The following IGDCC3 variants were observed in gnomAD, a reference collection of about 807,000 sequenced individuals.
IGDCC3 encodes putative neuronal cell adhesion molecule.
Under a neutral mutation model 72.0 loss-of-function variants are expected in IGDCC3, and 47 were observed. That is an observed-to-expected ratio of 0.65 (90% CI 0.52 to 0.83). The LOEUF is 0.83. Among genes scored for constraint, IGDCC3 ranks in the 40% least tolerant of loss-of-function variants. The probability of loss-of-function intolerance (pLI) is 0.00; values close to 1 mark genes in which losing one functional copy is unlikely to be tolerated. For missense variants in IGDCC3, 1,038 were observed against 1,091.3 expected, an observed-to-expected ratio of 0.95 and a Z score of 0.69; for synonymous variants, 477 against 472.8, an observed-to-expected ratio of 1.01 and a Z score of -0.11.
rs769295643 is a variant in IGDCC3, at chr15:65,330,763, A to G, written c.1562-22T>C. On this transcript the variant is annotated intron_variant, in intron 9 of 13. Transcript: ENST00000327987. The stretch of plus-strand genomic sequence containing the variant: ...GGGGCTGCAGGTAGAGAAGGAGGCC[A>G]CGATGTGAGGACCCAGTGGAAGCTC... The G allele has an allele frequency of 1.9e-6, 3 of 1,564,394 alleles. No homozygotes were observed. In the Admixed American group the frequency reaches 5.6e-5, roughly 29 times the overall value.
intron 1 of IGDCC3, among the ~76,000 whole-genome samples, chr15:65,376,468 T>C (rs546041901): frequency 6.6e-5 from 10 of 152,304 alleles, no homozygotes; most frequent in African/African-American, 2.2e-4. Context: ...CCTCCTCACA[T>C]TTCCAGATAA....
chr15:65,368,897 G>C (rs558879604), intron 2 of IGDCC3, among the ~76,000 whole-genome samples: 2 of 152,280 alleles, frequency 1.3e-5, no homozygotes, highest in Non-Finnish European at 2.9e-5. Flanking sequence ...ACAGAGGAGA[G>C]ACAGAGAGAC....
rs531601805 is a variant in IGDCC3, at chr15:65,355,095, C to T, written c.410-19139G>A. On this transcript the variant is annotated intron_variant, in intron 2 of 13. Coordinates refer to ENST00000327987, the MANE Select transcript of IGDCC3 (RefSeq NM_004884.4). Reference sequence around the variant, plus strand: ...AACCCTTGCTCCCAGCCGGCTGCTCCGGGCAGCCTGACTCCAACGCCAGGA... The same window carrying T: ...AACCCTTGCTCCCAGCCGGCTGCTCTGGGCAGCCTGACTCCAACGCCAGGA... Among the ~76,000 whole-genome samples, 17 of 151,418 alleles carry T rather than the reference C, an allele frequency of 1.1e-4. No individual in the cohort carries two copies. In the East Asian group the frequency reaches 3.4e-3, roughly 30 times the overall value.
At chr15:65,372,666 C>T (rs1409717817) in intron 2 of IGDCC3, among the ~76,000 whole-genome samples, 2 of 152,126 alleles carry the variant, frequency 1.3e-5, no homozygotes, top group Admixed American at 6.5e-5. Flanking sequence ...CCCCTCCCCA[C>T]GGGCCCCTGA....
At chr15:65,335,063 T>TG (rs2091014958) in intron 4 of IGDCC3, among the ~76,000 whole-genome samples, 198 bp from the exon 5 acceptor site, 1 of 152,080 alleles carries the variant, frequency 6.6e-6, no homozygotes, top group South Asian at 2.1e-4. Context: ...CTGCCAGCAA[T>TG]GGGGAAGTCC....
At chr15:65,375,455 A>G in intron 1 of IGDCC3, 53 bp from the exon 2 acceptor site, 1 of 1,437,112 alleles carries the variant, frequency 7.0e-7, no homozygotes, top group Non-Finnish European at 9.4e-7. Flanking sequence ...TATGAAATGA[A>G]CATCCAGGAA....
In IGDCC3 at chr15:65,328,350, G is replaced by C. The variant is rs1310561310; in HGVS notation, c.*559C>G. ...ACAACAGTGTGGGAAGGGAGAGGGG[G>C]TCCCCAGCAAGGGGACTTGAGGTAG... On this transcript the variant is annotated 3_prime_UTR_variant, in exon 14 of 14. Coordinates refer to ENST00000327987, the MANE Select transcript of IGDCC3 (RefSeq NM_004884.4). 1 of 150,724 alleles carries C rather than the reference G, an allele frequency of 6.6e-6. No homozygotes were observed. The highest frequency in any genetic ancestry group is 1.5e-5 in the Non-Finnish European group (1 of 67,674). The allele number at this position is 150,724 out of a possible 1,614,324, so 9.3% of individuals were successfully genotyped here.
chr15:65,350,208 T>C (rs980864395), intron 2 of IGDCC3, among the ~76,000 whole-genome samples: 6 of 152,046 alleles, frequency 3.9e-5, no homozygotes, highest in African/African-American at 7.2e-5. Flanking sequence ...CTTGGCTCAC[T>C]GCAACCTCCA....
chr15:65,333,324 G>T lies in IGDCC3; in HGVS notation c.915C>A (p.Tyr305Ter), dbSNP rs376799322. Residue 305 changes from tyrosine (Y) to a stop codon, truncating the protein, a stop_gained, in exon 6 of 14, where the codon TAC becomes TAA. Coordinates refer to ENST00000327987, the MANE Select transcript of IGDCC3 (RefSeq NM_004884.4). LOFTEE classifies it high-confidence loss of function. The stretch of plus-strand genomic sequence containing the variant: ...TGCCAGGTCTGTTGGCTGCACAGAC[G>T]TAGACGCCAGAGTGCTGGACCGTCA... ...SDVTVQHSGV[Y>*]VCAANRPGTR... 13 of 1,613,106 alleles carry T rather than the reference G, an allele frequency of 8.1e-6. No individual in the cohort carries two copies. Among genetic ancestry groups the T allele is most frequent in the Non-Finnish European group, 1.1e-5 (13 of 1,179,692 alleles).
At chr15:65,346,463 CT>C (rs5813348) in intron 2 of IGDCC3, among the ~76,000 whole-genome samples, 11 of 148,972 alleles carry the variant, frequency 7.4e-5, no homozygotes, top group Non-Finnish European at 8.9e-5. Context: ...AGACTCAGCT[CT>C]TTTTTTTTTT....
At chr15:65,330,932 G>T in intron 9 of IGDCC3, 118 bp downstream of exon 9, 1 of 1,262,982 alleles carries the variant, frequency 7.9e-7, no homozygotes, top group Non-Finnish European at 1.1e-6. Context: ...ACTCAGCCCT[G>T]ACAGCCTCAG....
At position 65,377,726 on chromosome 15, in the gene IGDCC3, C is replaced by G. The variant is rs1384190577; in HGVS notation, c.63G>C (p.Leu21=). The G allele has an allele frequency of 1.5e-6, 2 of 1,374,808 alleles. No homozygotes were observed. The highest frequency in any genetic ancestry group is 3.3e-5 in the Admixed American group (1 of 30,480). 85.2% of individuals were successfully genotyped at this position (1,374,808 alleles called of 1,614,324 possible). Residue 21 remains leucine, a synonymous_variant, in exon 1 of 14, where the codon CTG becomes CTC. Transcript: ENST00000327987. The surrounding 1 kb of genome is among the most constrained non-coding windows in gnomAD (Gnocchi z 4.9). The part of the protein sequence containing the change: ...RPPAPLWPRL[L]LPLLLLLLPA... ...GCAGCAGCAGCAACAGCAGCGGCAG[C>G]AGGAGCCGGGGCCAGAGCGGGGCGG... is the stretch of plus-strand genomic sequence containing the variant.
rs1252482077 is a variant in IGDCC3 at position 65,360,345 on chromosome 15, A to G, written c.409+14752T>C. 2.6e-5 allele frequency among the ~76,000 whole-genome samples: 4 copies of G among 152,254 alleles called. No homozygotes were observed. The East Asian group carries it at 7.7e-4, about 29-fold the overall frequency. ...AAATCAGAAACAGAGGAGGGCACGA[A>G]TATCAAACAGCCTCAAGGCTGAGGA... On this transcript the variant is annotated intron_variant, in intron 2 of 13. Transcript: ENST00000327987.
At chr15:65,342,594 C>T (rs1025018607) in intron 2 of IGDCC3, among the ~76,000 whole-genome samples, 16 of 152,098 alleles carry the variant, frequency 1.1e-4, no homozygotes, top group African/African-American at 3.9e-4. Context: ...CCTTCCTCCT[C>T]TGCTGCCTTC....
chr15:65,344,329 T>A (rs1273377821), intron 2 of IGDCC3, among the ~76,000 whole-genome samples: 1 of 152,114 alleles, frequency 6.6e-6, no homozygotes, highest in Non-Finnish European at 1.5e-5. Context: ...CTTCTTGGCC[T>A]CCTCAAGTCC....
At chr15:65,364,660 G>C (rs762505571) in intron 2 of IGDCC3, among the ~76,000 whole-genome samples, 1 of 152,182 alleles carries the variant, frequency 6.6e-6, no homozygotes, top group Non-Finnish European at 1.5e-5. Flanking sequence ...GGTGAGGTGG[G>C]AGGATTGCTT....
At chr15:65,331,282 G>T in intron 8 of IGDCC3, 68 bp from the exon 9 acceptor site, 1 of 1,586,924 alleles carries the variant, frequency 6.3e-7, no homozygotes, top group Non-Finnish European at 8.6e-7. Flanking sequence ...TTGGTGAAAT[G>T]AGGGCAGCCA....
At chr15:65,331,387 G>A (rs765063391) in intron 8 of IGDCC3, 25 bp downstream of exon 8, 2 of 1,585,014 alleles carry the variant, frequency 1.3e-6, no homozygotes, top group Non-Finnish European at 1.7e-6. Flanking sequence ...TTAGAGGAAG[G>A]GGCAACAGAG....
In IGDCC3 at chr15:65,329,083, G is replaced by A. The variant is rs766627187; in HGVS notation, c.2271C>T (p.Cys757=). ...TQLSVLPLQG[C]GLMEGKTTEA... ...CCGTCGTCTTCCCCTCCATCAGGCC[G>A]CACCCCTGAAGTGGCAGCACGGAGA... Residue 757 remains cysteine, a synonymous_variant, in exon 14 of 14, where the codon TGC becomes TGT. Coordinates refer to ENST00000327987, the MANE Select transcript of IGDCC3 (RefSeq NM_004884.4). This position sits in a 1 kb window ranked among gnomAD's most constrained non-coding sequence, Gnocchi z 4.1. The A allele has an allele frequency of 4.5e-5, 72 of 1,610,944 alleles. No individual in the cohort carries two copies. The highest frequency in any genetic ancestry group is 5.0e-5 in the Non-Finnish European group (59 of 1,178,934).
Sources: allele counts gnomAD v4.1 joint callset (sites outside exome capture counted in the v4.1 genomes callset), GRCh38; gene constraint gnomAD v4.1.1; non-coding constraint Gnocchi (gnomAD v3.1); transcripts MANE v1.5; gene names NCBI Gene and HGNC (gene_info 2026-07-23, HGNC 2026-07-21).